TCHP: variants seen among roughly 807,000 people sequenced by gnomAD.
TCHP encodes trichoplein keratin filament-binding protein.
A neutral mutation model predicts 88.7 loss-of-function variants in TCHP; 81 were observed. The ratio of observed to expected loss-of-function variants is 0.91; its 90% CI spans 0.76 to 1.10. TCHP has a LOEUF of 1.10. Among genes scored for constraint, TCHP ranks in the 50% least tolerant of loss-of-function variants. The probability of loss-of-function intolerance (pLI) is 0.00; values close to 1 mark genes in which losing one functional copy is unlikely to be tolerated. For missense variants in TCHP, 641 were observed against 632.1 expected (o/e 1.01, Z -0.15); for synonymous variants, 232 against 232.5 (o/e 1.00, Z 0.02).
upstream of TCHP, among the ~76,000 whole-genome samples, chr12:109,899,741 C>T (rs1869671185): frequency 1.3e-5 from 2 of 152,192 alleles, no homozygotes; most frequent in African/African-American, 2.4e-5. Flanking sequence ...AACACTGATA[C>T]TCTCAGATGG....
chr12:109,913,049 G>A lies in TCHP; in HGVS notation c.1111G>A (p.Ala371Thr), dbSNP rs147052884. 2.2e-4 allele frequency: 363 copies of A among 1,613,878 alleles called. No individual in the cohort carries two copies. Among genetic ancestry groups the A allele is most frequent in the Non-Finnish European group, 2.8e-4 (335 of 1,180,000 alleles). ...REAEWARERS[A>T]RDRLMSEVLT... is the part of the protein sequence containing the mutation. ...GGCAGAGTGGGCCCGAGAGCGCAGC[G>A]CACGGGACAGACTGATGAGCGAGGT... is the stretch of plus-strand genomic sequence containing the variant. The change falls in exon 10 of 13, where the codon GCA becomes ACA. Residue 371 changes from alanine (A) to threonine (T), a missense_variant. Coordinates refer to ENST00000405876, the MANE Select transcript of TCHP (RefSeq NM_001143852.2).
chr12:109,905,019 G>A lies in TCHP; in HGVS notation c.456+226G>A, dbSNP rs920389853. On this transcript the variant is annotated intron_variant, in intron 4 of 12. Coordinates refer to ENST00000405876, the MANE Select transcript of TCHP (RefSeq NM_001143852.2). This position sits in a 1 kb window ranked among gnomAD's most constrained non-coding sequence, Gnocchi z 4.0. ...CTCCGCTGCCTGGTCTGCCAGGTGC[G>A]GGCATGGAGATTAGACATGGTTTCT... The A allele has an allele frequency of 5.5e-5, 30 of 545,798 alleles. No individual in the cohort carries two copies. Among genetic ancestry groups the A allele is most frequent in the Non-Finnish European group, 8.8e-5 (27 of 307,270 alleles). The allele number at this position is 545,798 out of a possible 1,614,324, so 33.8% of individuals were successfully genotyped here.
chr12:109,905,811 T>G lies in TCHP; in HGVS notation c.457-761T>G, dbSNP rs1293705583. On this transcript the variant is annotated intron_variant, in intron 4 of 12. Coordinates refer to ENST00000405876, the MANE Select transcript of TCHP (RefSeq NM_001143852.2). This position sits in a 1 kb window ranked among gnomAD's most constrained non-coding sequence, Gnocchi z 4.0. ...TCCAGAGCCGTTAAATCAGAAAAGT[T>G]TATTCAGAACATTCAAGTTAATTGC... 6.6e-6 allele frequency among the ~76,000 whole-genome samples: 1 copy of G among 152,172 alleles called. No homozygotes were observed. Among genetic ancestry groups the G allele is most frequent in the Non-Finnish European group, 1.5e-5 (1 of 68,026 alleles).
chr12:109,903,416 G>A lies in TCHP; in HGVS notation c.188+202G>A, dbSNP rs1411819464. Among the ~76,000 whole-genome samples the A allele has an allele frequency of 6.6e-6, 1 of 152,184 alleles. No individual in the cohort carries two copies. Among genetic ancestry groups the A allele is most frequent in the Non-Finnish European group, 1.5e-5 (1 of 68,042 alleles). On this transcript the variant is annotated intron_variant, in intron 2 of 12. Transcript: ENST00000405876. This position sits in a 1 kb window ranked among gnomAD's most constrained non-coding sequence, Gnocchi z 4.6. ...TTGAAAAAGATAAAATGATGCAGAA[G>A]CATATGATAGAATTTGGAAGCCTGG...
At chr12:109,914,931 GAC>G in intron 11 of TCHP, 1 of 413,480 alleles carries the variant, frequency 2.4e-6, no homozygotes, top group Non-Finnish European at 4.4e-6. Context: ...TGATACATAA[GAC>G]AGAACAGTCC....
intron 12 of TCHP, 49 bp from the exon 13 acceptor site, chr12:109,916,542 T>C (rs1870825716): frequency 1.9e-6 from 3 of 1,556,648 alleles, no homozygotes; most frequent in Non-Finnish European, 8.7e-7. Flanking sequence ...TTCCTCATGC[T>C]GCAGATACTG....
At chr12:109,882,771 C>T in the TCHP span, among the ~76,000 whole-genome samples, 1 of 150,930 alleles carries the variant, frequency 6.6e-6, no homozygotes, top group African/African-American at 2.4e-5. Context: ...AATTCTCTGC[C>T]TCAGCCTCCC....
rs368862620 is a variant in TCHP at position 109,908,715 on chromosome 12, C to T, written c.812+17C>T. On this transcript the variant is annotated intron_variant, in intron 7 of 12. Coordinates refer to ENST00000405876, the MANE Select transcript of TCHP (RefSeq NM_001143852.2). ...AGAGCTGGGGTGTGTGTCAGAAGGG[C>T]CCCCCACTCTTCCCAGGCGGGTGGG... The T allele has an allele frequency of 1.5e-5, 23 of 1,578,038 alleles. No homozygotes were observed. The African/African-American group carries it at 2.8e-4, about 19-fold the overall frequency.
Position 109,903,043 on chromosome 12 carries a change from T to C in TCHP, c.17T>C (p.Leu6Pro). Residue 6 changes from leucine to proline, a missense_variant, in exon 2 of 13, where the codon CTG becomes CCG. Physicochemically the swap from Leu to Pro is moderately conservative, Grantham distance 98. Coordinates refer to ENST00000405876, the MANE Select transcript of TCHP (RefSeq NM_001143852.2). The surrounding 1 kb of genome is among the most constrained non-coding windows in gnomAD (Gnocchi z 4.6). MALPT[L>P]PSYWCSQQRL... Reference sequence around the variant, plus strand: ...TGTTCTCAGATGGCGCTCCCGACGCTGCCGTCCTACTGGTGCAGCCAGCAG... The same window carrying C: ...TGTTCTCAGATGGCGCTCCCGACGCCGCCGTCCTACTGGTGCAGCCAGCAG... The C allele has an allele frequency of 6.2e-7, 1 of 1,608,330 alleles. No homozygotes were observed. Among genetic ancestry groups the C allele is most frequent in the Non-Finnish European group, 8.5e-7 (1 of 1,176,942 alleles).
the TCHP span, among the ~76,000 whole-genome samples, chr12:109,885,536 G>T: frequency 1.4e-5 from 2 of 142,954 alleles, no homozygotes; most frequent in African/African-American, 5.3e-5. Flanking sequence ...AGGCTGGAGT[G>T]CAGTGGCACA....
chr12:109,901,425 C>T (rs1215029772), intron 1 of TCHP, among the ~76,000 whole-genome samples: 1 of 152,176 alleles, frequency 6.6e-6, no homozygotes, highest in East Asian at 1.9e-4. Flanking sequence ...TGAACTCCAT[C>T]TGGTTCCCTC....
intron 5 of TCHP, among the ~76,000 whole-genome samples, chr12:109,906,999 C>G (rs1315876380): frequency 1.3e-5 from 2 of 152,164 alleles, no homozygotes; most frequent in Non-Finnish European, 2.9e-5. Context: ...AAGCAGTCCT[C>G]CTAACTCAGC....
the TCHP span, among the ~76,000 whole-genome samples, chr12:109,888,950 A>C: frequency 1.6e-4 from 24 of 151,630 alleles, no homozygotes; most frequent in African/African-American, 5.8e-4. Context: ...AATCTTAGTT[A>C]CTTGGGAGGC....
chr12:109,882,286 A>G, the TCHP span, among the ~76,000 whole-genome samples: 1 of 152,034 alleles, frequency 6.6e-6, no homozygotes, highest in African/African-American at 2.4e-5. Flanking sequence ...TACAAAAGTT[A>G]GCTGGGTGTG....
At chr12:109,906,545 T>G in intron 4 of TCHP, 27 bp from the exon 5 acceptor site, 1 of 1,611,492 alleles carries the variant, frequency 6.2e-7, no homozygotes, top group Non-Finnish European at 8.5e-7. Flanking sequence ...GGTGAGGAAA[T>G]TCACATCGTC....
intron 4 of TCHP, 26 bp downstream of exon 4, chr12:109,904,819 T>C (rs372309832): frequency 3.8e-6 from 6 of 1,596,980 alleles, no homozygotes; most frequent in African/African-American, 1.3e-5. Context: ...CTCCATTGAT[T>C]TATCTAAGTA....
At position 109,903,205 on chromosome 12, in the gene TCHP, A is replaced by T; in HGVS notation, c.179A>T (p.Tyr60Phe). Residue 60 changes from tyrosine to phenylalanine, a missense_variant, in exon 2 of 13, where the codon TAC becomes TTC. By Grantham distance (22) the Tyr-to-Phe change is conservative. Coordinates refer to ENST00000405876, the MANE Select transcript of TCHP (RefSeq NM_001143852.2). This position sits in a 1 kb window ranked among gnomAD's most constrained non-coding sequence, Gnocchi z 4.6. ...GCAGAATGGAGCTCTAAAACCTCCT[A>T]CCAGCGGAGGTAATTGTGCGGTAAC... The part of the protein sequence containing the change: ...KQAEWSSKTS[Y>F]QRSMHAYQRE... The T allele has an allele frequency of 6.2e-7, 1 of 1,610,270 alleles. No individual in the cohort carries two copies. Among genetic ancestry groups the T allele is most frequent in the Non-Finnish European group, 8.5e-7 (1 of 1,177,328 alleles).
At chr12:109,895,930 C>A (rs1414339234), upstream of TCHP, among the ~76,000 whole-genome samples, 1 of 152,148 alleles carries the variant, frequency 6.6e-6, no homozygotes, top group Non-Finnish European at 1.5e-5. Context: ...TTGCCAAATT[C>A]TTTGTATGTT....
intron 8 of TCHP, among the ~76,000 whole-genome samples, chr12:109,910,378 G>A (rs948220595): frequency 2.6e-5 from 4 of 152,072 alleles, no homozygotes; most frequent in Non-Finnish European, 4.4e-5. Context: ...TTGCAATGGC[G>A]CAATCACGGC....
Sources: gnomAD v4.1 joint callset for allele counts (sites outside exome capture counted in the v4.1 genomes callset) on GRCh38, gnomAD v4.1.1 for gene constraint, Gnocchi (gnomAD v3.1) non-coding constraint, MANE v1.5 for transcripts, NCBI Gene and HGNC (gene_info 2026-07-23, HGNC 2026-07-21) for gene names.